Variants in PRKCA observed in about 807,000 individuals in gnomAD.
The protein encoded by PRKCA is protein kinase C alpha.
In PRKCA, 27 loss-of-function variants were observed where a neutral mutation model predicts 87.0. The ratio of observed to expected loss-of-function variants is 0.31; its 90% CI spans 0.23 to 0.43. The LOEUF (loss-of-function observed/expected upper bound fraction) is 0.43. PRKCA is among the 20% of genes least tolerant of loss of function. The pLI is 1.00. For missense variants in PRKCA, 518 were observed against 852.3 expected (o/e 0.61, Z 4.88); for synonymous variants, 329 against 311.1 (o/e 1.06, Z -0.61).
Position 66,681,425 on chromosome 17 carries a change from G to A in PRKCA, c.530-5686G>A, listed in dbSNP as rs575450565. ...CCTGAGGAAACAGCCCTGCTTCTGG[G>A]GTCAGAGAGAACTGAATGAAAGTGG... is the stretch of plus-strand genomic sequence containing the variant. On this transcript the variant is annotated intron_variant, in intron 5 of 16. Coordinates refer to ENST00000413366, the MANE Select transcript of PRKCA (RefSeq NM_002737.3). 6.6e-5 allele frequency among the ~76,000 whole-genome samples: 10 copies of A among 152,166 alleles called. No homozygotes were observed. The East Asian group carries it at 1.9e-3, about 29-fold the overall frequency.
At chr17:66,383,355 G>A (rs1909876146) in intron 2 of PRKCA, among the ~76,000 whole-genome samples, 1 of 151,658 alleles carries the variant, frequency 6.6e-6, no homozygotes, top group African/African-American at 2.4e-5. Flanking sequence ...CTGTTTGCTT[G>A]TGTTTTTGCC....
intron 11 of PRKCA, 64 bp downstream of exon 11, chr17:66,738,919 T>TC: frequency 7.5e-7 from 1 of 1,331,412 alleles, no homozygotes. Flanking sequence ...GAAACTTCCT[T>TC]TTTTCCCCCC....
chr17:66,630,508 T>TGACA (rs1161976911), intron 3 of PRKCA, among the ~76,000 whole-genome samples: 1 of 152,246 alleles, frequency 6.6e-6, no homozygotes, highest in Non-Finnish European at 1.5e-5. Context: ...CAAGAAGCAT[T>TGACA]GACAGACTGT....
At chr17:66,664,053 A>G (rs1452668570) in intron 5 of PRKCA, among the ~76,000 whole-genome samples, 1 of 151,824 alleles carries the variant, frequency 6.6e-6, no homozygotes. Flanking sequence ...TTTTTAGTAG[A>G]GATAGGGTTT....
chr17:66,527,399 A>G (rs1447169400), intron 3 of PRKCA, among the ~76,000 whole-genome samples: 1 of 152,250 alleles, frequency 6.6e-6, no homozygotes, highest in Non-Finnish European at 1.5e-5. Flanking sequence ...CAAATTGCAG[A>G]TTAGAGGACA....
At chr17:66,388,734 C>T (rs1248443100) in intron 2 of PRKCA, among the ~76,000 whole-genome samples, 4 of 152,186 alleles carry the variant, frequency 2.6e-5, no homozygotes, top group South Asian at 2.1e-4. Context: ...GGAGGTTTGT[C>T]TGCACATCTG....
chr17:66,318,412 T>G (rs1281274379), intron 2 of PRKCA, among the ~76,000 whole-genome samples: 2 of 152,158 alleles, frequency 1.3e-5, no homozygotes, highest in Non-Finnish European at 2.9e-5. Context: ...CTTTTTTTTT[T>G]CTTTTTTACT....
intron 3 of PRKCA, among the ~76,000 whole-genome samples, chr17:66,510,785 G>T (rs528520652): frequency 6.6e-6 from 1 of 152,012 alleles, no homozygotes; most frequent in African/African-American, 2.4e-5. Context: ...TCACTCTGTC[G>T]CCCAAGCTGG....
At chr17:66,353,369 CA>C (rs1907868166) in intron 2 of PRKCA, among the ~76,000 whole-genome samples, 1 of 152,122 alleles carries the variant, frequency 6.6e-6, no homozygotes, top group African/African-American at 2.4e-5. Flanking sequence ...CAGATATAAT[CA>C]GGTGATTTGA....
intron 2 of PRKCA, among the ~76,000 whole-genome samples, chr17:66,436,540 T>A (rs1259384637): frequency 6.6e-6 from 1 of 152,192 alleles, no homozygotes; most frequent in Non-Finnish European, 1.5e-5. Context: ...ATATTCATTG[T>A]ATTGAAAGTC....
chr17:66,638,377 A>G (rs559920194), intron 3 of PRKCA: 1 of 152,232 alleles, frequency 6.6e-6, no homozygotes, highest in East Asian at 1.9e-4. Flanking sequence ...ATATAAAAAA[A>G]AATCTGAGGT....
chr17:66,580,498 C>G (rs1969387987), intron 3 of PRKCA, among the ~76,000 whole-genome samples: 1 of 152,238 alleles, frequency 6.6e-6, no homozygotes, highest in African/African-American at 2.4e-5. Flanking sequence ...ACATGAGACA[C>G]TGAGCCATGT....
intron 5 of PRKCA, among the ~76,000 whole-genome samples, chr17:66,661,571 C>A (rs1202030813): frequency 1.3e-5 from 2 of 152,184 alleles, no homozygotes; most frequent in Non-Finnish European, 2.9e-5. Flanking sequence ...AACACGTCAA[C>A]CTGCTCCTGG....
At chr17:66,451,379 T>TATTTATTA (rs1555605931) in intron 2 of PRKCA, among the ~76,000 whole-genome samples, 10 of 142,550 alleles carry the variant, frequency 7.0e-5, no homozygotes, top group African/African-American at 2.6e-4. Flanking sequence ...TTTATTTATT[T>TATTTATTA]ATTTATTACC....
chr17:66,539,438 C>G (rs948543535), intron 3 of PRKCA, among the ~76,000 whole-genome samples: 2 of 149,530 alleles, frequency 1.3e-5, no homozygotes, highest in African/African-American at 4.9e-5. Flanking sequence ...GAGTCTTGCT[C>G]TGTCCTCCAG....
intron 13 of PRKCA, among the ~76,000 whole-genome samples, chr17:66,772,498 TA>T (rs35329654): frequency 0.2 from 28,979 of 147,622 alleles, 2,826 homozygotes; most frequent in East Asian, 0.3. Flanking sequence ...TCTGGGCCAT[TA>T]AAAAAAAAAA....
At chr17:66,378,900 CA>C (rs35793230) in intron 2 of PRKCA, among the ~76,000 whole-genome samples, 171 of 132,786 alleles carry the variant, frequency 1.3e-3, no homozygotes, top group African/African-American at 1.2e-3. Flanking sequence ...GACTCCATCT[CA>C]AAAAAAAAAA....
chr17:66,744,125 G>A (rs902278234), intron 13 of PRKCA, among the ~76,000 whole-genome samples: 11 of 152,196 alleles, frequency 7.2e-5, no homozygotes, highest in South Asian at 4.2e-4. Context: ...TCAAGACAGC[G>A]TGGACACATA....
intron 5 of PRKCA, among the ~76,000 whole-genome samples, chr17:66,656,259 T>C (rs536699754): frequency 3.6e-4 from 55 of 152,280 alleles, no homozygotes; most frequent in African/African-American, 1.3e-3. Context: ...GTCCCCAGAT[T>C]CTTTATAGGG....
Sources: gnomAD v4.1 joint callset for allele counts (sites outside exome capture counted in the v4.1 genomes callset) on GRCh38, gnomAD v4.1.1 for gene constraint, MANE v1.5 for transcripts, NCBI Gene and HGNC (gene_info 2026-07-23, HGNC 2026-07-21) for gene names.